The following SLC44A5 variants were observed in gnomAD, a reference collection of about 807,000 sequenced individuals.
SLC44A5 encodes choline transporter-like protein 5.
SLC44A5 carries 57 observed loss-of-function variants against 101.8 expected under a neutral mutation model. The ratio of observed to expected loss-of-function variants is 0.56; its 90% CI spans 0.45 to 0.70. The LOEUF (loss-of-function observed/expected upper bound fraction) is 0.70. SLC44A5 is among the 30% of genes least tolerant of loss of function. The probability of loss-of-function intolerance (pLI) is 0.00; values close to 1 mark genes in which losing one functional copy is unlikely to be tolerated. For synonymous variants in SLC44A5, 281 were observed against 290.9 expected (o/e 0.97, Z 0.35); for missense variants, 737 against 853.1 (o/e 0.86, Z 1.70).
chr1:75,363,004 A>G (rs928880710), intron 3 of SLC44A5, among the ~76,000 whole-genome samples: 2 of 152,016 alleles, frequency 1.3e-5, no homozygotes, highest in African/African-American at 2.4e-5. Context: ...GGTTGGGTGC[A>G]TATATATTTA....
chr1:75,258,652 TC>T (rs1311856882), intron 6 of SLC44A5, among the ~76,000 whole-genome samples: 1 of 152,072 alleles, frequency 6.6e-6, no homozygotes, highest in Admixed American at 6.5e-5. Flanking sequence ...GCAGCAGATC[TC>T]CCAGCACAGC....
chr1:75,363,545 C>T (rs893511956), intron 3 of SLC44A5, among the ~76,000 whole-genome samples: 1 of 151,968 alleles, frequency 6.6e-6, no homozygotes, highest in Non-Finnish European at 1.5e-5. Flanking sequence ...TAATTGCATA[C>T]AAAAATTCTA....
rs1253043619 is a variant in SLC44A5 at position 75,339,579 on chromosome 1, T to C, written c.101+3A>G. On this transcript the variant is annotated splice_donor_region_variant and intron_variant, in intron 4 of 23. Coordinates refer to ENST00000370859, the MANE Select transcript of SLC44A5 (RefSeq NM_001130058.2). ...GCATATTCCCCAAAAAATAATTGCT[T>C]ACCTGTTGGCAACAGGCCCCTTGAA... 2 of 1,601,068 alleles carry C rather than the reference T, an allele frequency of 1.2e-6. No homozygotes were observed. The highest frequency in any genetic ancestry group is 4.5e-5 in the East Asian group (2 of 44,266).
chr1:75,671,342 G>A, the SLC44A5 span, among the ~76,000 whole-genome samples: 2 of 152,148 alleles, frequency 1.3e-5, no homozygotes, highest in Admixed American at 6.5e-5. Flanking sequence ...CATAGGAGGA[G>A]CAGTCTCTTC....
At chr1:75,339,508 C>A in intron 4 of SLC44A5, 74 bp downstream of exon 4, 1 of 1,203,568 alleles carries the variant, frequency 8.3e-7, no homozygotes. Context: ...GACTGGAAAA[C>A]AGTACCTCCC....
At chr1:75,638,855 G>A in the SLC44A5 span, among the ~76,000 whole-genome samples, 1 of 151,944 alleles carries the variant, frequency 6.6e-6, no homozygotes, top group Non-Finnish European at 1.5e-5. Flanking sequence ...TGTGAATAGT[G>A]CTGCAATAAA....
chr1:75,345,484 T>G (rs987962892), intron 3 of SLC44A5, among the ~76,000 whole-genome samples: 4 of 152,078 alleles, frequency 2.6e-5, no homozygotes, highest in African/African-American at 7.2e-5. Flanking sequence ...AACAGTAAAA[T>G]GTAAATTACC....
At chr1:75,709,953 C>G in the SLC44A5 span, 1 of 152,154 alleles carries the variant, frequency 6.6e-6, no homozygotes, top group African/African-American at 2.4e-5. Flanking sequence ...GATACTCAAA[C>G]ATGAATGAAT....
At chr1:75,295,191 T>TA (rs958409476) in intron 5 of SLC44A5, among the ~76,000 whole-genome samples, 5 of 146,790 alleles carry the variant, frequency 3.4e-5, no homozygotes, top group Admixed American at 6.8e-5. Context: ...CTCATAAAGC[T>TA]AAAAAATTAA....
At chr1:75,227,643 A>G (rs1309786488) in intron 13 of SLC44A5, 83 bp downstream of exon 13, 6 of 1,153,546 alleles carry the variant, frequency 5.2e-6, no homozygotes, top group African/African-American at 1.6e-5. Flanking sequence ...TTAACAGGTT[A>G]TACCAACCCA....
chr1:75,306,136 A>G lies in SLC44A5; in HGVS notation c.102-5451T>C, dbSNP rs565672625. Among the ~76,000 whole-genome samples, 136 of 152,358 alleles carry G rather than the reference A, an allele frequency of 8.9e-4. 1 individual carries two copies. Among genetic ancestry groups the G allele is most frequent in the South Asian group, 6.6e-3 (32 of 4,828 alleles). On this transcript the variant is annotated intron_variant, in intron 4 of 23. Transcript: ENST00000370859. ...GTAAAGATTTTTGGAAAACAGCAAT[A>G]CTAATATATGTATATCGTCTAAGGC...
the SLC44A5 span, among the ~76,000 whole-genome samples, chr1:75,682,047 A>G: frequency 6.6e-6 from 1 of 152,148 alleles, no homozygotes; most frequent in Non-Finnish European, 1.5e-5. Context: ...CAACTTACAA[A>G]GGATGTGAAG....
intron 1 of SLC44A5, among the ~76,000 whole-genome samples, chr1:75,586,740 A>G (rs1183386462): frequency 1.3e-5 from 2 of 152,138 alleles, no homozygotes; most frequent in South Asian, 2.1e-4. Context: ...ATTACTTGCT[A>G]TCTTTAATAG....
the SLC44A5 span, among the ~76,000 whole-genome samples, chr1:75,685,568 C>T: frequency 0.24 from 37,208 of 152,104 alleles, 4,943 homozygotes; most frequent in Non-Finnish European, 0.3. Context: ...TCAGCCTGGA[C>T]TTCATGGTCC....
chr1:75,285,166 T>G (rs987170445), intron 5 of SLC44A5, among the ~76,000 whole-genome samples: 1 of 151,970 alleles, frequency 6.6e-6, no homozygotes, highest in Admixed American at 6.6e-5. Context: ...TTTAAAATTA[T>G]CATTTCAATC....
At chr1:75,460,855 C>T (rs1161079128) in intron 2 of SLC44A5, among the ~76,000 whole-genome samples, 1 of 152,170 alleles carries the variant, frequency 6.6e-6, no homozygotes, top group Non-Finnish European at 1.5e-5. Context: ...AAATCACTTA[C>T]ATCCAACTAC....
At chr1:75,623,990 G>A in the SLC44A5 span, among the ~76,000 whole-genome samples, 40 of 152,118 alleles carry the variant, frequency 2.6e-4, no homozygotes, top group Non-Finnish European at 5.6e-4. Flanking sequence ...AAGAAACAGG[G>A]ATCCTTGGAA....
At chr1:75,389,369 C>T (rs898990240) in intron 3 of SLC44A5, among the ~76,000 whole-genome samples, 4 of 152,182 alleles carry the variant, frequency 2.6e-5, no homozygotes, top group Non-Finnish European at 5.9e-5. Flanking sequence ...ACAGAATATA[C>T]ATTCTTCTCA....
At chr1:75,507,806 C>A (rs1669353202) in intron 2 of SLC44A5, among the ~76,000 whole-genome samples, 1 of 152,002 alleles carries the variant, frequency 6.6e-6, no homozygotes, top group African/African-American at 2.4e-5. Flanking sequence ...AGAATTTAAC[C>A]ATTTTCTGTA....
Sources: gnomAD v4.1 joint callset for allele counts (sites outside exome capture counted in the v4.1 genomes callset) on GRCh38, gnomAD v4.1.1 for gene constraint, MANE v1.5 for transcripts, NCBI Gene and HGNC (gene_info 2026-07-23, HGNC 2026-07-21) for gene names.